The following ADCY1 variants were observed in gnomAD, a reference collection of about 807,000 sequenced individuals.
The protein encoded by ADCY1 is adenylate cyclase type 1.
A neutral mutation model predicts 105.4 loss-of-function variants in ADCY1; 28 were observed. The observed-to-expected ratio is 0.27, with a 90% confidence interval of 0.20 to 0.36. The LOEUF (loss-of-function observed/expected upper bound fraction) is 0.36, where lower values mean the gene tolerates loss of function less well. Among genes scored for constraint, ADCY1 ranks in the 10% least tolerant of loss-of-function variants. The probability of loss-of-function intolerance (pLI) is 1.00; values close to 1 mark genes in which losing one functional copy is unlikely to be tolerated. For missense variants in ADCY1, 977 were observed against 1,434.2 expected (o/e 0.68, Z 5.15); for synonymous variants, 655 against 623.8 (o/e 1.05, Z -0.75).
intron 4 of ADCY1, among the ~76,000 whole-genome samples, chr7:45,642,616 T>C (rs1019602534): frequency 6.6e-6 from 1 of 152,162 alleles, no homozygotes; most frequent in Admixed American, 6.5e-5. Flanking sequence ...GTTGTTGTTG[T>C]TTTAATAACC....
chr7:45,683,992 G>A (rs768890505), intron 11 of ADCY1, among the ~76,000 whole-genome samples: 2 of 152,276 alleles, frequency 1.3e-5, no homozygotes, highest in Non-Finnish European at 2.9e-5. Context: ...GGAGGCTGCA[G>A]TGGGGATCAA....
intron 3 of ADCY1, 125 bp from the exon 4 acceptor site, chr7:45,622,507 G>T: frequency 8.6e-6 from 6 of 701,246 alleles, no homozygotes; most frequent in Non-Finnish European, 1.5e-5. Context: ...TTTCTGGTCT[G>T]CATTGAGGAA....
Position 45,600,640 on chromosome 7 carries a change from A to G in ADCY1, c.789+7732A>G, listed in dbSNP as rs144567193. On this transcript the variant is annotated intron_variant, in intron 2 of 19. Coordinates refer to ENST00000297323, the MANE Select transcript of ADCY1 (RefSeq NM_021116.4). ...TGGTGTGGTCAGCTTAGGCTGTGTA[A>G]CAGAGACTGGGTGGCTGCAACAAGA... is the stretch of plus-strand genomic sequence containing the variant. 6.0e-3 allele frequency among the ~76,000 whole-genome samples: 915 copies of G among 152,364 alleles called. 3 individuals carry two copies. The highest frequency in any genetic ancestry group is 9.7e-3 in the Non-Finnish European group (660 of 68,034).
intron 2 of ADCY1, among the ~76,000 whole-genome samples, chr7:45,606,883 G>A (rs1361379026): frequency 6.6e-6 from 1 of 152,102 alleles, no homozygotes; most frequent in Non-Finnish European, 1.5e-5. Context: ...TTGTTGGCTA[G>A]AGCTTATTGA....
At chr7:45,649,852 C>T (rs990671238) in intron 5 of ADCY1, among the ~76,000 whole-genome samples, 1 of 152,210 alleles carries the variant, frequency 6.6e-6, no homozygotes, top group Admixed American at 6.5e-5. Context: ...CTGATGGTAG[C>T]TCCACCTCAA....
At position 45,611,716 on chromosome 7, in the gene ADCY1, T is replaced by C. The variant is rs1793598733; in HGVS notation, c.908+1219T>C. Reference sequence around the variant, plus strand: ...GGATTCCACTTAAAAATACTTTTCATGCAAGTATAGTGTGCTTAGAATGGT... The same window carrying C: ...GGATTCCACTTAAAAATACTTTTCACGCAAGTATAGTGTGCTTAGAATGGT... On this transcript the variant is annotated intron_variant, in intron 3 of 19. Transcript: ENST00000297323. 2.6e-5 allele frequency among the ~76,000 whole-genome samples: 4 copies of C among 152,252 alleles called. 1 individual carries two copies. The highest frequency in any genetic ancestry group is 6.8e-3 in the Middle Eastern group (2 of 294).
intron 17 of ADCY1, among the ~76,000 whole-genome samples, chr7:45,705,559 A>G (rs868031392): frequency 6.6e-6 from 1 of 152,212 alleles, no homozygotes; most frequent in Non-Finnish European, 1.5e-5. Context: ...TGAACTGGCA[A>G]TAGAAGACAA....
chr7:45,645,588 G>A (rs1794638725), intron 4 of ADCY1, among the ~76,000 whole-genome samples: 1 of 152,096 alleles, frequency 6.6e-6, no homozygotes, highest in African/African-American at 2.4e-5. Flanking sequence ...CCACTCCAGG[G>A]ATAGGCTTGT....
intron 14 of ADCY1, among the ~76,000 whole-genome samples, chr7:45,688,572 C>T (rs968116980): frequency 6.6e-6 from 1 of 152,116 alleles, no homozygotes; most frequent in Non-Finnish European, 1.5e-5. Context: ...CATGACAGGG[C>T]AGGATGCATA....
intron 4 of ADCY1, among the ~76,000 whole-genome samples, chr7:45,630,761 G>A (rs887781860): frequency 5.3e-5 from 8 of 152,256 alleles, no homozygotes; most frequent in Non-Finnish European, 1.2e-4. Context: ...GATAATCCAA[G>A]ATGGTTTCCC....
At chr7:45,588,869 ATGTGTGTGTG>A (rs55962124) in intron 1 of ADCY1, among the ~76,000 whole-genome samples, 5 of 149,156 alleles carry the variant, frequency 3.4e-5, no homozygotes, top group African/African-American at 9.9e-5. Flanking sequence ...CATTGCGTGT[ATGTGTGTGTG>A]TGTGTGTGTG....
intron 4 of ADCY1, among the ~76,000 whole-genome samples, chr7:45,635,606 T>G (rs1415951500): frequency 1.5e-5 from 2 of 133,180 alleles, no homozygotes; most frequent in African/African-American, 5.4e-5. Flanking sequence ...CTCTTGTTTT[T>G]TTTTTTTTTT....
At chr7:45,711,906 A>G (rs1246006439) in intron 19 of ADCY1, among the ~76,000 whole-genome samples, 1 of 45,900 alleles carries the variant, frequency 2.2e-5, no homozygotes, top group East Asian at 1.1e-3. Context: ...ATTATATTAA[A>G]TATATAAATA....
At chr7:45,622,175 C>A (rs991504735) in intron 3 of ADCY1, among the ~76,000 whole-genome samples, 2 of 152,154 alleles carry the variant, frequency 1.3e-5, no homozygotes, top group African/African-American at 4.8e-5. Flanking sequence ...GCATTGACAC[C>A]ACACTCAGGG....
chr7:45,675,065 T>C (rs1321519228), intron 8 of ADCY1, among the ~76,000 whole-genome samples: 1 of 152,198 alleles, frequency 6.6e-6, no homozygotes, highest in Non-Finnish European at 1.5e-5. Flanking sequence ...TATTGATAAG[T>C]CTGCTATTTA....
chr7:45,709,587 C>T (rs1384919185), intron 18 of ADCY1, among the ~76,000 whole-genome samples: 2 of 152,222 alleles, frequency 1.3e-5, no homozygotes, highest in African/African-American at 4.8e-5. Context: ...ACTGTGCCGC[C>T]TGCTCTCAGG....
intron 8 of ADCY1, among the ~76,000 whole-genome samples, chr7:45,676,992 T>A (rs3537): frequency 0.039 from 5,928 of 151,884 alleles, 134 homozygotes; most frequent in East Asian, 0.065. Flanking sequence ...CCAGTGGCAT[T>A]TTTTGGCTGC....
At chr7:45,625,138 G>C (rs1043998077) in intron 4 of ADCY1, among the ~76,000 whole-genome samples, 6 of 152,200 alleles carry the variant, frequency 3.9e-5, no homozygotes, top group African/African-American at 1.4e-4. Context: ...TGTCACCCTG[G>C]TCCCAGGCCT....
intron 5 of ADCY1, among the ~76,000 whole-genome samples, chr7:45,650,124 A>G (rs1202356539): frequency 1.3e-5 from 2 of 152,218 alleles, no homozygotes; most frequent in Non-Finnish European, 2.9e-5. Flanking sequence ...ATCTCAGATG[A>G]CATCATACAT....
Sources: gnomAD v4.1 joint callset for allele counts (sites outside exome capture counted in the v4.1 genomes callset) on GRCh38, gnomAD v4.1.1 for gene constraint, MANE v1.5 for transcripts, NCBI Gene and HGNC (gene_info 2026-07-23, HGNC 2026-07-21) for gene names.